The following NCOR2 variants were observed in gnomAD, a reference collection of about 807,000 sequenced individuals.
NCOR2 encodes nuclear receptor corepressor 2.
Under a neutral mutation model 262.9 loss-of-function variants are expected in NCOR2, and 81 were observed. The observed-to-expected ratio is 0.31, with a 90% confidence interval of 0.26 to 0.37. The LOEUF is 0.37. Among genes scored for constraint, NCOR2 ranks in the 10% least tolerant of loss-of-function variants. The probability of loss-of-function intolerance (pLI) is 1.00; values close to 1 mark genes in which losing one functional copy is unlikely to be tolerated. For missense variants in NCOR2, 3,385 were observed against 3,621.4 expected (o/e 0.93, Z 1.68); for synonymous variants, 1,659 against 1,559.3 (o/e 1.06, Z -1.51).
intron 1 of NCOR2, among the ~76,000 whole-genome samples, chr12:124,547,058 C>T (rs1346301369): frequency 6.6e-6 from 1 of 152,082 alleles, no homozygotes; most frequent in Non-Finnish European, 1.5e-5. Flanking sequence ...GGTGCAATCT[C>T]GGCTCACTGC....
intron 13 of NCOR2, among the ~76,000 whole-genome samples, chr12:124,415,526 C>A (rs778614319): frequency 2.0e-5 from 3 of 152,216 alleles, no homozygotes; most frequent in Non-Finnish European, 4.4e-5. Context: ...GGTGGCAGGG[C>A]CCAGGCCACG....
In NCOR2 at chr12:124,481,323, G is replaced by T. The variant is rs1216887035; in HGVS notation, c.411+2273C>A. Among the ~76,000 whole-genome samples the T allele has an allele frequency of 6.6e-6, 1 of 152,116 alleles. No homozygotes were observed. Among genetic ancestry groups the T allele is most frequent in the Non-Finnish European group, 1.5e-5 (1 of 68,000 alleles). On this transcript the variant is annotated intron_variant, in intron 3 of 46. Coordinates refer to ENST00000405201, the Ensembl canonical transcript of NCOR2. This position sits in a 1 kb window ranked among gnomAD's most constrained non-coding sequence, Gnocchi z 4.6. Reference sequence around the variant, plus strand: ...ACACCAGTCCCAAGCCCAGACCCAAGTGCAGGCGGCCCAAGCCCCAGGCCA... The same window carrying T: ...ACACCAGTCCCAAGCCCAGACCCAATTGCAGGCGGCCCAAGCCCCAGGCCA...
intron 23 of NCOR2, among the ~76,000 whole-genome samples, chr12:124,355,838 C>T (rs965051050): frequency 5.9e-5 from 9 of 152,206 alleles, no homozygotes; most frequent in African/African-American, 1.2e-4. Context: ...TCCCCTGTCT[C>T]CCCATTTCCA....
At chr12:124,382,270 C>T (rs558922742) in intron 17 of NCOR2, among the ~76,000 whole-genome samples, 14 of 152,218 alleles carry the variant, frequency 9.2e-5, no homozygotes, top group East Asian at 3.8e-4. Context: ...ACACCAAGAA[C>T]GGCTACTGTC....
intron 11 of NCOR2, among the ~76,000 whole-genome samples, chr12:124,423,596 A>C (rs531631522): frequency 1.3e-5 from 2 of 152,302 alleles, no homozygotes; most frequent in East Asian, 3.9e-4. Flanking sequence ...AGCCATCCTA[A>C]GGCCCTTCTC....
upstream of NCOR2, chr12:124,495,384 A>C: frequency 7.0e-7 from 1 of 1,437,288 alleles, no homozygotes; most frequent in Non-Finnish European, 9.1e-7. The surrounding 1 kb of genome is among the most constrained non-coding windows in gnomAD (Gnocchi z 4.4). Context: ...GGAAAACAAG[A>C]AAAGAAAAAC....
chr12:124,438,908 C>G (rs1278990578), intron 7 of NCOR2, among the ~76,000 whole-genome samples: 3 of 134,516 alleles, frequency 2.2e-5, no homozygotes, highest in Non-Finnish European at 4.7e-5. Flanking sequence ...GAGACAGAGA[C>G]CCAGAGAGAG....
At chr12:124,429,931 C>T (rs1302368179) in intron 9 of NCOR2, among the ~76,000 whole-genome samples, 1 of 152,258 alleles carries the variant, frequency 6.6e-6, no homozygotes, top group African/African-American at 2.4e-5. Context: ...CCCTTCCTCT[C>T]TCCTAAAACA....
At chr12:124,509,167 T>C (rs1330016829) in intron 1 of NCOR2, among the ~76,000 whole-genome samples, 1 of 139,516 alleles carries the variant, frequency 7.2e-6, no homozygotes, top group Non-Finnish European at 1.5e-5. Flanking sequence ...CCACCCCCCC[T>C]GCACCCTCAG....
At chr12:124,376,437 G>C (rs1419562207) in intron 18 of NCOR2, among the ~76,000 whole-genome samples, 5 of 152,212 alleles carry the variant, frequency 3.3e-5, no homozygotes, top group Non-Finnish European at 5.9e-5. Flanking sequence ...TTTACAGAGG[G>C]GACTGGGTTT....
chr12:124,417,886 C>G (rs1029197235), intron 13 of NCOR2, among the ~76,000 whole-genome samples: 1 of 151,896 alleles, frequency 6.6e-6, no homozygotes, highest in Non-Finnish European at 1.5e-5. Flanking sequence ...ATAGTGAAAC[C>G]CTGTCTCTAT....
intron 1 of NCOR2, among the ~76,000 whole-genome samples, chr12:124,519,089 T>TACACACACAAATACACACACACAC (rs1555236048): frequency 1.0e-5 from 1 of 97,268 alleles, no homozygotes; most frequent in Non-Finnish European, 2.2e-5. Context: ...GGCCAAATAA[T>TACACACACAAATACACACACACAC]ACACACACAC....
chr12:124,350,544 A>C, intron 28 of NCOR2, 43 bp downstream of exon 30: 1 of 1,588,602 alleles, frequency 6.3e-7, no homozygotes, highest in Non-Finnish European at 8.6e-7. Flanking sequence ...GGCCAAGCAC[A>C]CTCCTCCCCT....
At chr12:124,559,126 G>C (rs1008989108) in intron 1 of NCOR2, among the ~76,000 whole-genome samples, 1 of 152,082 alleles carries the variant, frequency 6.6e-6, no homozygotes, top group Non-Finnish European at 1.5e-5. Context: ...CCCGGGTCTG[G>C]TCCAATTCCA....
In NCOR2 at chr12:124,546,538, CTGAG is replaced by C. The variant is rs555302568; in HGVS notation, c.-164-10931_-164-10928del. Among the ~76,000 whole-genome samples the C allele has an allele frequency of 5.6e-3, 851 of 152,270 alleles. 5 individuals carry two copies. The highest frequency in any genetic ancestry group is 0.019 in the African/African-American group (807 of 41,524). ...CAAGTGATTATCCTGCCTCAGCCTC[CTGAG>C]TATCTGGGATTACAGGCGTCTGCCA... On this transcript the variant is annotated intron_variant, in intron 1 of 32. Transcript: ENST00000458234.
chr12:124,348,121 C>T, intron 29 of NCOR2, 53 bp downstream of exon 31: 2 of 1,601,864 alleles, frequency 1.2e-6, no homozygotes, highest in South Asian at 1.1e-5. Context: ...TCAGCCATCC[C>T]CCCACCGCCC....
exon 31 of NCOR2, chr12:124,346,663 C>T: frequency 6.3e-7 from 1 of 1,583,716 alleles, no homozygotes; most frequent in Non-Finnish European, 8.6e-7. Flanking sequence ...AGCGGCCCGC[C>T]TCCTTCACCG....
intron 1 of NCOR2, among the ~76,000 whole-genome samples, chr12:124,526,729 C>T (rs1490381854): frequency 6.6e-6 from 1 of 152,164 alleles, no homozygotes; most frequent in East Asian, 1.9e-4. Flanking sequence ...CACACAGCTC[C>T]CTGCGCTTCT....
At chr12:124,405,088 C>T (rs559097626) in intron 13 of NCOR2, among the ~76,000 whole-genome samples, 31 of 152,234 alleles carry the variant, frequency 2.0e-4, no homozygotes, top group Admixed American at 3.3e-4. Context: ...CTTGCCAGCA[C>T]GCCCCATCTA....
Sources: allele counts gnomAD v4.1 joint callset (sites outside exome capture counted in the v4.1 genomes callset), GRCh38; gene constraint gnomAD v4.1.1; non-coding constraint Gnocchi (gnomAD v3.1); transcripts MANE v1.5; gene names NCBI Gene and HGNC (gene_info 2026-07-23, HGNC 2026-07-21).